GPHN: variants seen among roughly 807,000 people sequenced by gnomAD.
GPHN encodes the protein gephyrin.
In GPHN, 17 loss-of-function variants were observed where a neutral mutation model predicts 95.5. The observed-to-expected ratio is 0.18, with a 90% CI of 0.12 to 0.27. The LOEUF is 0.27. Ranked by LOEUF, GPHN falls within the 10% of genes least tolerant of loss-of-function variation. The pLI is 1.00. For synonymous variants in GPHN, 320 were observed against 322.5 expected (o/e 0.99, Z 0.08); for missense variants, 660 against 978.1 (o/e 0.67, Z 4.34).
At chr14:67,729,876 G>A in the GPHN span, 12 of 452,084 alleles carry the variant, frequency 2.7e-5, no homozygotes, top group Middle Eastern at 3.0e-3. Context: ...AACTCAATGA[G>A]CAACTAGAGT....
chr14:67,349,049 C>T, the GPHN span: 2 of 1,614,062 alleles, frequency 1.2e-6, no homozygotes, highest in Non-Finnish European at 1.7e-6. Flanking sequence ...GCTACATTAT[C>T]TTTCTTCGCT....
the GPHN span, among the ~76,000 whole-genome samples, chr14:67,632,977 C>G: frequency 6.6e-6 from 1 of 151,606 alleles, no homozygotes; most frequent in Admixed American, 6.6e-5. Context: ...CCCGCCACCA[C>G]GCCCGGCTAA....
intron 5 of GPHN, among the ~76,000 whole-genome samples, chr14:66,904,059 G>A (rs774867266): frequency 2.6e-5 from 4 of 151,782 alleles, no homozygotes; most frequent in East Asian, 3.9e-4. Context: ...TTATCTATTC[G>A]CCTTCATACT....
At position 67,037,189 on chromosome 14, in the gene GPHN, C is replaced by A. The variant is rs539480992; in HGVS notation, c.1006+13514C>A. On this transcript the variant is annotated intron_variant, in intron 10 of 22. Coordinates refer to ENST00000478722, the MANE Select transcript of GPHN (RefSeq NM_020806.5). ...CCAAGACCATTCAATGGGGAAAGGG[C>A]AGTCTCTTCAATAAACGTTGTTGGG... Among the ~76,000 whole-genome samples, 4 of 152,056 alleles carry A rather than the reference C, an allele frequency of 2.6e-5. No individual in the cohort carries two copies. In the South Asian group the frequency reaches 8.3e-4, roughly 32 times the overall value.
At chr14:66,538,810 G>C (rs1296394897) in intron 1 of GPHN, among the ~76,000 whole-genome samples, 1 of 145,754 alleles carries the variant, frequency 6.9e-6, no homozygotes, top group East Asian at 2.0e-4. Context: ...TATTGTATGT[G>C]AAAAACATAC....
At chr14:67,450,016 C>G in the GPHN span, 4 of 153,676 alleles carry the variant, frequency 2.6e-5, no homozygotes, top group African/African-American at 9.7e-5. Flanking sequence ...GAGCTGAGAT[C>G]GTGCCATTGC....
At chr14:67,411,904 TG>T in the GPHN span, 1 of 963,040 alleles carries the variant, frequency 1.0e-6, no homozygotes, top group Admixed American at 2.9e-5. Flanking sequence ...CCATGGGGGT[TG>T]GGGATGGGAA....
At chr14:66,545,367 A>G (rs1223351332) in intron 1 of GPHN, among the ~76,000 whole-genome samples, 291 of 77,796 alleles carry the variant, frequency 3.7e-3, no homozygotes, top group Non-Finnish European at 4.9e-3. Flanking sequence ...GGACGGGGCG[A>G]CTGGCCAGGC....
chr14:67,458,417 G>A, the GPHN span, among the ~76,000 whole-genome samples: 4 of 152,284 alleles, frequency 2.6e-5, no homozygotes, highest in South Asian at 6.2e-4. Context: ...CGTGCCGGGT[G>A]CTCGGGATAC....
At chr14:67,016,338 A>G (rs1057166790) in intron 9 of GPHN, among the ~76,000 whole-genome samples, 20 of 152,064 alleles carry the variant, frequency 1.3e-4, no homozygotes, top group African/African-American at 4.8e-4. Context: ...ATAATAATAA[A>G]TGCCTATTTT....
chr14:66,733,344 T>A (rs1328732606), intron 2 of GPHN, among the ~76,000 whole-genome samples: 1 of 151,806 alleles, frequency 6.6e-6, no homozygotes, highest in Non-Finnish European at 1.5e-5. Context: ...CTCAAGTATA[T>A]CTTTATAACA....
the GPHN span, among the ~76,000 whole-genome samples, chr14:67,232,259 C>T: frequency 1.1e-4 from 17 of 152,320 alleles, no homozygotes; most frequent in East Asian, 3.3e-3. Flanking sequence ...CCAGCTGTCA[C>T]ATCCTTAGAT....
chr14:66,774,123 C>G (rs2059291419), intron 2 of GPHN, among the ~76,000 whole-genome samples: 1 of 151,358 alleles, frequency 6.6e-6, no homozygotes, highest in Admixed American at 6.6e-5. Context: ...CTGCCTCAGC[C>G]TCCCGAGTAG....
At chr14:67,728,639 C>T in the GPHN span, among the ~76,000 whole-genome samples, 3 of 150,454 alleles carry the variant, frequency 2.0e-5, no homozygotes, top group Non-Finnish European at 4.4e-5. Context: ...ACATTTAAAG[C>T]ATGTTGTATG....
chr14:67,575,604 C>A, the GPHN span: 1 of 749,658 alleles, frequency 1.3e-6, no homozygotes, highest in African/African-American at 1.7e-5. Flanking sequence ...GGCTGGATCC[C>A]TCCAGAGTGT....
the GPHN span, among the ~76,000 whole-genome samples, chr14:67,412,586 G>A: frequency 6.6e-6 from 1 of 152,138 alleles, no homozygotes; most frequent in African/African-American, 2.4e-5. Flanking sequence ...TAACAGGAAG[G>A]TCACAGTTTT....
At chr14:67,397,800 C>T in the GPHN span, 17 of 1,612,282 alleles carry the variant, frequency 1.1e-5, no homozygotes, top group South Asian at 6.6e-5. Context: ...TGAACCATCG[C>T]GCCTTCCAGT....
chr14:67,587,503 C>CA, the GPHN span: 4 of 478,990 alleles, frequency 8.4e-6, no homozygotes, highest in East Asian at 1.6e-4. Flanking sequence ...TGATTCTAGA[C>CA]ATAGACAGGG....
intron 4 of GPHN, among the ~76,000 whole-genome samples, chr14:66,842,355 A>G (rs1054352790): frequency 2.1e-5 from 3 of 146,028 alleles, no homozygotes; most frequent in Admixed American, 2.0e-4. Flanking sequence ...TGAATTAGAA[A>G]CCCGACCTAC....
Sources: gnomAD v4.1 joint callset for allele counts (sites outside exome capture counted in the v4.1 genomes callset) on GRCh38, gnomAD v4.1.1 for gene constraint, MANE v1.5 for transcripts, NCBI Gene and HGNC (gene_info 2026-07-23, HGNC 2026-07-21) for gene names.